Variants in TMEM255A observed in about 807,000 individuals in gnomAD.
TMEM255A encodes transmembrane protein 255A, also known as family with sequence similarity 70, member A.
In TMEM255A, 14 loss-of-function variants were observed where a neutral mutation model predicts 23.5. The ratio of observed to expected loss-of-function variants is 0.60; its 90% confidence interval spans 0.39 to 0.93. The LOEUF is 0.93. TMEM255A is among the 40% of genes least tolerant of loss of function. The pLI is 0.00. For synonymous variants in TMEM255A, 104 were observed against 100.3 expected (o/e 1.04, Z -0.22); for missense variants, 233 against 261.7 (o/e 0.89, Z 0.76).
intron 5 of TMEM255A, chrX:120,285,788 C>T (rs1278813244): frequency 3.4e-6 from 4 of 1,193,054 alleles, no homozygotes; most frequent in Non-Finnish European, 4.5e-6. Context: ...CAAATTAACG[C>T]AAGAAAGCTA....
rs377625503 is a variant in TMEM255A at position 120,311,340 on chromosome X, G to A, written c.-31C>T. Reference sequence around the variant, plus strand: ...AAACTGCCCGGTTGCCCCAGTCCCCGAAGCTGCTTCAAGCGCCCCCGGCTC... The same window carrying A: ...AAACTGCCCGGTTGCCCCAGTCCCCAAAGCTGCTTCAAGCGCCCCCGGCTC... On this transcript the variant is annotated 5_prime_UTR_variant, in exon 1 of 9. Coordinates refer to ENST00000371369, the MANE Select transcript of TMEM255A (RefSeq NM_001104544.3). 3.1e-4 allele frequency: 355 copies of A among 1,147,900 alleles called. No homozygotes were observed. The highest frequency in any genetic ancestry group is 4.0e-4 in the Non-Finnish European group (339 of 855,140). The allele number at this position is 1,147,900 out of a possible 1,213,427, so 94.6% of individuals were successfully genotyped here.
At chrX:120,275,444 C>T (rs1313820478) in intron 7 of TMEM255A, among the ~76,000 whole-genome samples, 1 of 111,584 alleles carries the variant, frequency 9.0e-6, no homozygotes, top group African/African-American at 3.3e-5. Context: ...CTTGTCCTAC[C>T]CCACCTTTCA....
At chrX:120,262,078 T>C (rs1241801476) in intron 8 of TMEM255A, among the ~76,000 whole-genome samples, 2 of 111,329 alleles carry the variant, frequency 1.8e-5, no homozygotes, top group African/African-American at 6.5e-5. Flanking sequence ...GCACCTGAGG[T>C]CAGGAGTTTG....
chrX:120,304,596 A>C, intron 1 of TMEM255A, 105 bp from the exon 2 acceptor site: 3 of 893,714 alleles, frequency 3.4e-6, no homozygotes, highest in African/African-American at 2.0e-5. Context: ...CCTACCGGTA[A>C]CTGAAGTTAT....
rs188801892 is a variant in TMEM255A at position 120,277,444 on chromosome X, A to C, written c.513-397T>G. On this transcript the variant is annotated intron_variant, in intron 6 of 8. Coordinates refer to ENST00000371369, the MANE Select transcript of TMEM255A (RefSeq NM_001104544.3). ...TTAAATTAAGTAAAATTAAGTAAAA[A>C]GAAAAATTCAGTTGGTAAGTCTCAC... is the stretch of plus-strand genomic sequence containing the variant. Among the ~76,000 whole-genome samples the C allele has an allele frequency of 6.3e-3, 703 of 112,407 alleles. 7 individuals carry two copies. Among genetic ancestry groups the C allele is most frequent in the African/African-American group, 0.021 (651 of 30,933 alleles).
Position 120,260,075 on chromosome X carries a change from A to T in TMEM255A, c.*795T>A, listed in dbSNP as rs1371348889. 2.8e-6 allele frequency: 2 copies of T among 722,060 alleles called. No individual in the cohort carries two copies. The highest frequency in any genetic ancestry group is 4.6e-5 in the African/African-American group (2 of 43,288). 59.5% of individuals were successfully genotyped at this position (722,060 alleles called of 1,213,427 possible). A position where few individuals can be genotyped will look rare whatever the true frequency, so the allele number is the denominator to read the frequency against. On this transcript the variant is annotated 3_prime_UTR_variant, in exon 9 of 9. Coordinates refer to ENST00000371369, the MANE Select transcript of TMEM255A (RefSeq NM_001104544.3). ...TTAAACTCTGAATTACAACCATAAG[A>T]TTTATATCTCCTGTAGCAAATGTAT...
intron 5 of TMEM255A, chrX:120,285,726 C>T (rs376226511): frequency 9.1e-6 from 11 of 1,208,419 alleles, no homozygotes; most frequent in Non-Finnish European, 9.0e-6. Flanking sequence ...GTTAGGGGGA[C>T]CAGGGTTACA....
intron 8 of TMEM255A, among the ~76,000 whole-genome samples, chrX:120,262,926 G>T (rs782644788): frequency 8.9e-6 from 1 of 111,824 alleles, no homozygotes; most frequent in Admixed American, 9.4e-5. Flanking sequence ...TGCTGTGGGT[G>T]GCAGTTGTAC....
chrX:120,257,462 C>T (rs1338743085), downstream of TMEM255A: 1 of 122,929 alleles, frequency 8.1e-6, no homozygotes, highest in Non-Finnish European at 1.9e-5. Flanking sequence ...TTGGCAGATT[C>T]TACAAGTCTA....
chrX:120,284,296 T>C (rs1204351833), intron 6 of TMEM255A, among the ~76,000 whole-genome samples: 5 of 112,475 alleles, frequency 4.4e-5, no homozygotes, highest in Non-Finnish European at 9.4e-5. Context: ...AAGGATGTTT[T>C]AGCAATTTGG....
In TMEM255A at chrX:120,311,394, C is replaced by T; in HGVS notation, c.-85G>A. 7.3e-6 allele frequency: 6 copies of T among 826,923 alleles called. No homozygotes were observed. Among genetic ancestry groups the T allele is most frequent in the Non-Finnish European group, 8.9e-6 (5 of 563,110 alleles). 68.1% of individuals were successfully genotyped at this position (826,923 alleles called of 1,213,427 possible). ...GCGCCCCGCAGAGCATCCTACTCCG[C>T]GGTTGCCTCTCTCGGTCCTTCCGAG... On this transcript the variant is annotated 5_prime_UTR_variant, in exon 1 of 9. Transcript: ENST00000371369.
At chrX:120,296,671 T>C (rs2057961268) in intron 2 of TMEM255A, among the ~76,000 whole-genome samples, 1 of 63,907 alleles carries the variant, frequency 1.6e-5, no homozygotes, top group African/African-American at 6.8e-5. Context: ...TAATATAATA[T>C]ATATTATATT....
Position 120,260,532 on chromosome X carries a change from A to G in TMEM255A, c.*338T>C, listed in dbSNP as rs2057670740. 1 of 163,129 alleles carries G rather than the reference A, an allele frequency of 6.1e-6. No individual in the cohort carries two copies. The allele number at this position is 163,129 out of a possible 1,213,427, so 13.4% of individuals were successfully genotyped here. On this transcript the variant is annotated 3_prime_UTR_variant, in exon 9 of 9. Coordinates refer to ENST00000371369, the MANE Select transcript of TMEM255A (RefSeq NM_001104544.3). Reference sequence around the variant, plus strand: ...GGCAATCTGCCAAGGGCCCGAGGGCAACACTCCTTTACATAAAGTGAAAAA... The same window carrying G: ...GGCAATCTGCCAAGGGCCCGAGGGCGACACTCCTTTACATAAAGTGAAAAA...
At chrX:120,290,715 GC>G (rs2057909077) in intron 4 of TMEM255A, among the ~76,000 whole-genome samples, 2 of 111,842 alleles carry the variant, frequency 1.8e-5, no homozygotes, top group African/African-American at 6.5e-5. Context: ...TGGTAGAGGG[GC>G]CTACATTTAT....
chrX:120,311,407 C>A lies in TMEM255A; in HGVS notation c.-98G>T, dbSNP rs1455141562. Reference sequence around the variant, plus strand: ...CATCCTACTCCGCGGTTGCCTCTCTCGGTCCTTCCGAGAGCTGAGAGACAC... The same window carrying A: ...CATCCTACTCCGCGGTTGCCTCTCTAGGTCCTTCCGAGAGCTGAGAGACAC... On this transcript the variant is annotated 5_prime_UTR_variant, in exon 1 of 9. Transcript: ENST00000371369. The A allele has an allele frequency of 1.4e-6, 1 of 706,559 alleles. No individual in the cohort carries two copies. Among genetic ancestry groups the A allele is most frequent in the African/African-American group, 2.1e-5 (1 of 47,324 alleles). The allele number at this position is 706,559 out of a possible 1,213,427, so 58.2% of individuals were successfully genotyped here.
chrX:120,262,827 A>G (rs984874232), intron 8 of TMEM255A, among the ~76,000 whole-genome samples: 1 of 112,312 alleles, frequency 8.9e-6, no homozygotes, highest in Non-Finnish European at 1.9e-5. Flanking sequence ...AGGTGTTCCC[A>G]GCCACAGAAG....
At chrX:120,279,156 G>A (rs2057820420) in intron 6 of TMEM255A, among the ~76,000 whole-genome samples, 2 of 111,693 alleles carry the variant, frequency 1.8e-5, no homozygotes, top group African/African-American at 6.5e-5. Flanking sequence ...AATATTTTTT[G>A]TAGAGACAGA....
In TMEM255A at chrX:120,280,436, A is replaced by G. The variant is rs191101467; in HGVS notation, c.513-3389T>C. On this transcript the variant is annotated intron_variant, in intron 6 of 8. Coordinates refer to ENST00000371369, the MANE Select transcript of TMEM255A (RefSeq NM_001104544.3). ...CCATTTAATTTTTTTTTTTCACTGA[A>G]CCATGAAGGAAAAGAAAGCTAATTC... Among the ~76,000 whole-genome samples, 19 of 110,132 alleles carry G rather than the reference A, an allele frequency of 1.7e-4. No individual in the cohort carries two copies. The East Asian group carries it at 5.4e-3, about 31-fold the overall frequency.
intron 6 of TMEM255A, among the ~76,000 whole-genome samples, chrX:120,281,945 T>C (rs1183088382): frequency 8.9e-6 from 1 of 112,112 alleles, no homozygotes; most frequent in African/African-American, 3.2e-5. Context: ...GCCTGTGGGT[T>C]CGAGGGGACA....
Sources: gnomAD v4.1 joint callset for allele counts (sites outside exome capture counted in the v4.1 genomes callset) on GRCh38, gnomAD v4.1.1 for gene constraint, MANE v1.5 for transcripts, NCBI Gene and HGNC (gene_info 2026-07-23, HGNC 2026-07-21) for gene names.